The following CDYL2 variants were observed in gnomAD, a reference collection of about 807,000 sequenced individuals.
CDYL2 encodes chromodomain Y like 2, also known as chromodomain Y-like protein 2.
CDYL2 carries 23 observed loss-of-function variants against 49.4 expected under a neutral mutation model. The ratio of observed to expected loss-of-function variants is 0.47; its 90% confidence interval spans 0.34 to 0.66. CDYL2 has a LOEUF of 0.66. CDYL2 is among the 30% of genes least tolerant of loss of function. CDYL2 has a pLI of 0.01. For missense variants in CDYL2, 678 were observed against 656.4 expected (o/e 1.03, Z -0.36); for synonymous variants, 360 against 268.8 (o/e 1.34, Z -3.32).
At chr16:80,673,123 G>A (rs796569362) in intron 2 of CDYL2, among the ~76,000 whole-genome samples, 10 of 152,112 alleles carry the variant, frequency 6.6e-5, no homozygotes, top group African/African-American at 2.4e-4. Flanking sequence ...TTCAAGACCA[G>A]CCTGGCCAAC....
At chr16:80,632,061 A>G (rs1002580509) in intron 3 of CDYL2, among the ~76,000 whole-genome samples, 1 of 152,224 alleles carries the variant, frequency 6.6e-6, no homozygotes, top group African/African-American at 2.4e-5. Context: ...CATATTAGAA[A>G]TTAGAAATAT....
intron 1 of CDYL2, among the ~76,000 whole-genome samples, chr16:80,784,189 T>G (rs2142407975): frequency 6.6e-6 from 1 of 152,296 alleles, no homozygotes; most frequent in South Asian, 2.1e-4. Flanking sequence ...TCCATTTAAG[T>G]TATTCCTTCT....
At chr16:80,734,882 A>G (rs1905462870) in intron 1 of CDYL2, among the ~76,000 whole-genome samples, 2 of 152,178 alleles carry the variant, frequency 1.3e-5, no homozygotes, top group African/African-American at 4.8e-5. Flanking sequence ...ATATGGTCCA[A>G]TGACTGACAA....
intron 2 of CDYL2, among the ~76,000 whole-genome samples, chr16:80,679,977 C>T (rs533892178): frequency 1.6e-4 from 25 of 152,174 alleles, no homozygotes; most frequent in Non-Finnish European, 3.2e-4. Flanking sequence ...TGTTTGGGAG[C>T]CCCTAGATTC....
intron 6 of CDYL2, 150 bp from the exon 7 acceptor site, chr16:80,604,696 TC>T: frequency 1.3e-6 from 1 of 754,836 alleles, no homozygotes; most frequent in Non-Finnish European, 2.2e-6. Flanking sequence ...GTCCCATGTT[TC>T]CAGCACGGCC....
intron 1 of CDYL2, among the ~76,000 whole-genome samples, chr16:80,748,259 G>A (rs1420285680): frequency 6.8e-6 from 1 of 147,154 alleles, no homozygotes; most frequent in Non-Finnish European, 1.5e-5. Flanking sequence ...GGGCGCGCTG[G>A]CTCACGCCTG....
chr16:80,619,199 G>A (rs1194055547), intron 4 of CDYL2, among the ~76,000 whole-genome samples: 1 of 152,114 alleles, frequency 6.6e-6, no homozygotes, highest in African/African-American at 2.4e-5. Flanking sequence ...CTCTGCGTCT[G>A]GAGCCCACAC....
intron 1 of CDYL2, among the ~76,000 whole-genome samples, chr16:80,697,174 C>T (rs894461011): frequency 6.6e-6 from 1 of 152,122 alleles, no homozygotes; most frequent in Non-Finnish European, 1.5e-5. Flanking sequence ...AAATCCTCAA[C>T]AAAGAATACA....
Position 80,773,773 on chromosome 16 carries a change from G to C in CDYL2, c.24+30377C>G, listed in dbSNP as rs992890439. Among the ~76,000 whole-genome samples, 3 of 152,138 alleles carry C rather than the reference G, an allele frequency of 2.0e-5. No individual in the cohort carries two copies. The South Asian group carries it at 6.2e-4, about 32-fold the overall frequency. ...TAAAACTCGTATGACATACTTAAAG[G>C]CATGCTTAAATTAAAATGTACAGTT... is the stretch of plus-strand genomic sequence containing the variant. On this transcript the variant is annotated intron_variant, in intron 1 of 6. Coordinates refer to ENST00000570137, the MANE Select transcript of CDYL2 (RefSeq NM_152342.4).
Position 80,692,219 on chromosome 16 carries a change from T to A in CDYL2, c.25-7090A>T, listed in dbSNP as rs58843728. 1.2e-3 allele frequency among the ~76,000 whole-genome samples: 181 copies of A among 152,254 alleles called. 1 individual carries two copies. The highest frequency in any genetic ancestry group is 3.7e-3 in the African/African-American group (155 of 41,550). On this transcript the variant is annotated intron_variant, in intron 1 of 6. Coordinates refer to ENST00000570137, the MANE Select transcript of CDYL2 (RefSeq NM_152342.4). ...GGGGGAAGGAGAGTTTGAGAATAGA[T>A]CAACTTTATTTCTATCCATGCAAAG...
intron 6 of CDYL2, among the ~76,000 whole-genome samples, chr16:80,605,851 G>A (rs540441582): frequency 6.6e-6 from 1 of 152,328 alleles, no homozygotes; most frequent in African/African-American, 2.4e-5. Context: ...AACCCTGCAA[G>A]TAAGTAGTCT....
intron 1 of CDYL2, among the ~76,000 whole-genome samples, chr16:80,733,011 C>T (rs1166867818): frequency 6.6e-6 from 1 of 152,026 alleles, no homozygotes; most frequent in Non-Finnish European, 1.5e-5. Context: ...TTGATCAAAA[C>T]AGACTCAAAG....
chr16:80,620,074 G>A (rs1230275696), intron 4 of CDYL2, among the ~76,000 whole-genome samples: 1 of 152,208 alleles, frequency 6.6e-6, no homozygotes. Context: ...GCACCCGCCA[G>A]GTGAACACTG....
intron 1 of CDYL2, among the ~76,000 whole-genome samples, chr16:80,765,283 A>C (rs1906681666): frequency 6.6e-6 from 1 of 151,412 alleles, no homozygotes; most frequent in Admixed American, 6.6e-5. Context: ...AATGAAACAA[A>C]CATTTATTCA....
At chr16:80,675,717 C>G (rs1276277713) in intron 2 of CDYL2, among the ~76,000 whole-genome samples, 5 of 151,420 alleles carry the variant, frequency 3.3e-5, no homozygotes, top group Non-Finnish European at 7.4e-5. Context: ...TTTTGGAACC[C>G]TCAATAAGGA....
At chr16:80,707,588 A>G (rs960118711) in intron 1 of CDYL2, among the ~76,000 whole-genome samples, 7 of 152,212 alleles carry the variant, frequency 4.6e-5, no homozygotes, top group Admixed American at 1.3e-4. Context: ...CAGAGCATCA[A>G]ATGGGTCAGA....
chr16:80,781,927 T>A (rs1281175244), intron 1 of CDYL2, among the ~76,000 whole-genome samples: 1 of 151,574 alleles, frequency 6.6e-6, no homozygotes, highest in Non-Finnish European at 1.5e-5. Context: ...TTTACAGGTG[T>A]AAACACCTAC....
intron 4 of CDYL2, among the ~76,000 whole-genome samples, chr16:80,618,382 C>G (rs1038309138): frequency 6.6e-6 from 1 of 152,198 alleles, no homozygotes; most frequent in African/African-American, 2.4e-5. Flanking sequence ...ACAGATACCA[C>G]GCAGCAGACC....
In CDYL2 at chr16:80,611,759, G is replaced by A. The variant is rs114359920; in HGVS notation, c.1218+867C>T. Among the ~76,000 whole-genome samples the A allele has an allele frequency of 1.7e-3, 265 of 152,320 alleles. 2 individuals are homozygous for A. The highest frequency in any genetic ancestry group is 5.7e-3 in the African/African-American group (238 of 41,574). On this transcript the variant is annotated intron_variant, in intron 5 of 6. Coordinates refer to ENST00000570137, the MANE Select transcript of CDYL2 (RefSeq NM_152342.4). ...CACAGCTGTCCTGCCTCACAGGGGCGTGGACGGCGTTGACAGCCCAGCCCA... is the reference window on the plus strand; with the variant it reads ...CACAGCTGTCCTGCCTCACAGGGGCATGGACGGCGTTGACAGCCCAGCCCA...
Sources: gnomAD v4.1 joint callset for allele counts (sites outside exome capture counted in the v4.1 genomes callset) on GRCh38, gnomAD v4.1.1 for gene constraint, MANE v1.5 for transcripts, NCBI Gene and HGNC (gene_info 2026-07-23, HGNC 2026-07-21) for gene names.